Variants in FMN2 observed in about 807,000 individuals in gnomAD.
The protein encoded by FMN2 is formin 2, also known as formin-2.
A neutral mutation model predicts 142.3 loss-of-function variants in FMN2; 51 were observed. The ratio of observed to expected loss-of-function variants is 0.36; its 90% CI spans 0.29 to 0.45. FMN2 has a LOEUF of 0.45. FMN2 is among the 20% of genes least tolerant of loss of function. The pLI is 1.00. For missense variants in FMN2, 1,936 were observed against 2,122.8 expected (o/e 0.91, Z 1.73); for synonymous variants, 882 against 869.8 (o/e 1.01, Z -0.25).
At chr1:240,381,010 AT>A (rs955901680) in intron 14 of FMN2, among the ~76,000 whole-genome samples, 1 of 152,138 alleles carries the variant, frequency 6.6e-6, no homozygotes, top group Non-Finnish European at 1.5e-5. Context: ...TGAGTCAGTA[AT>A]TTTTTTAAAA....
intron 7 of FMN2, among the ~76,000 whole-genome samples, chr1:240,292,776 A>G (rs1166510905): frequency 1.3e-5 from 2 of 152,206 alleles, no homozygotes; most frequent in East Asian, 3.9e-4. Context: ...ATCTTTCCCA[A>G]ATTGCTTCTT....
rs1306140412 is a variant in FMN2 at position 240,123,228 on chromosome 1, A to G, written c.1665A>G (p.Pro555=). Residue 555 remains proline, a synonymous_variant, in exon 2 of 18, where the codon CCA becomes CCG. Coordinates refer to ENST00000319653, the MANE Select transcript of FMN2 (RefSeq NM_020066.5). ...KLFSQQENGP[P]EEAEKFCSRI... is the part of the protein sequence containing the mutation. ...TCAGCCAGCAGGAGAACGGGCCTCC[A>G]GAAGAAGCAGAGAAGTTTTGCTCCC... 3 of 1,614,202 alleles carry G rather than the reference A, an allele frequency of 1.9e-6. No individual in the cohort carries two copies. Among genetic ancestry groups the G allele is most frequent in the South Asian group, 1.1e-5 (1 of 91,080 alleles).
intron 1 of FMN2, among the ~76,000 whole-genome samples, chr1:240,094,870 T>A (rs1361925973): frequency 6.6e-6 from 1 of 152,240 alleles, no homozygotes; most frequent in African/African-American, 2.4e-5. Flanking sequence ...GTTGACTAAA[T>A]GCTGGTAATA....
intron 8 of FMN2, among the ~76,000 whole-genome samples, chr1:240,311,796 G>A (rs1425708265): frequency 3.3e-5 from 5 of 152,060 alleles, no homozygotes; most frequent in African/African-American, 7.2e-5. Context: ...TAAATGATCC[G>A]GGATTGTTCT....
chr1:240,362,357 C>A (rs1320683005), intron 14 of FMN2, among the ~76,000 whole-genome samples: 2 of 152,166 alleles, frequency 1.3e-5, no homozygotes, highest in African/African-American at 4.8e-5. Context: ...AATTCTTAAT[C>A]TCCAGATGGT....
At chr1:240,129,046 G>T (rs1415883533) in intron 2 of FMN2, among the ~76,000 whole-genome samples, 1 of 151,912 alleles carries the variant, frequency 6.6e-6, no homozygotes, top group African/African-American at 2.4e-5. Flanking sequence ...GCTAATTTTT[G>T]TATTTTTAGT....
chr1:240,136,692 T>C (rs2103244090), intron 2 of FMN2, among the ~76,000 whole-genome samples: 1 of 152,332 alleles, frequency 6.6e-6, no homozygotes, highest in Non-Finnish European at 1.5e-5. Flanking sequence ...CTCCTGTAGA[T>C]GCACTGAATA....
intron 15 of FMN2, among the ~76,000 whole-genome samples, chr1:240,397,265 T>A (rs1673812580): frequency 6.6e-6 from 1 of 152,196 alleles, no homozygotes; most frequent in Non-Finnish European, 1.5e-5. Flanking sequence ...TTGAGAAGTG[T>A]CTATTTATGT....
intron 14 of FMN2, among the ~76,000 whole-genome samples, chr1:240,371,008 A>C (rs1482706511): frequency 1.3e-5 from 2 of 152,120 alleles, no homozygotes; most frequent in East Asian, 3.9e-4. Context: ...GCGGGATCTC[A>C]ACTCACTGCA....
intron 6 of FMN2, among the ~76,000 whole-genome samples, chr1:240,246,748 CT>C (rs1449332003): frequency 6.6e-6 from 1 of 152,170 alleles, no homozygotes; most frequent in African/African-American, 2.4e-5. Context: ...CTACACAGTC[CT>C]GCCTTCTAGG....
chr1:240,382,742 C>A (rs2103083888), intron 14 of FMN2, among the ~76,000 whole-genome samples: 1 of 152,170 alleles, frequency 6.6e-6, no homozygotes, highest in East Asian at 1.9e-4. Flanking sequence ...TTACCGACAT[C>A]ATTTTTCACA....
chr1:240,161,390 A>G (rs542309696), intron 2 of FMN2, among the ~76,000 whole-genome samples: 1 of 152,196 alleles, frequency 6.6e-6, no homozygotes, highest in East Asian at 1.9e-4. Flanking sequence ...ACAATTAGCC[A>G]GGCGTGGTGG....
chr1:240,310,556 A>G (rs1376526778), intron 8 of FMN2, among the ~76,000 whole-genome samples: 1 of 152,208 alleles, frequency 6.6e-6, no homozygotes, highest in Non-Finnish European at 1.5e-5. Flanking sequence ...TACTAAATGC[A>G]GTACAACCTA....
At chr1:240,334,016 T>C in intron 12 of FMN2, 70 bp downstream of exon 12, 1 of 1,574,868 alleles carries the variant, frequency 6.3e-7, no homozygotes, top group Non-Finnish European at 8.6e-7. Context: ...CAGTACTTTT[T>C]GTTGTTGTTT....
At chr1:240,159,005 A>G (rs988426133) in intron 2 of FMN2, among the ~76,000 whole-genome samples, 1 of 152,214 alleles carries the variant, frequency 6.6e-6, no homozygotes, top group South Asian at 2.1e-4. Context: ...GCTATAAAAC[A>G]TTATAAAAAC....
intron 6 of FMN2, among the ~76,000 whole-genome samples, chr1:240,227,319 C>T (rs1667345164): frequency 6.6e-6 from 1 of 152,170 alleles, no homozygotes. Flanking sequence ...GGGAACATGC[C>T]ATGGTTATGG....
intron 2 of FMN2, chr1:240,143,225 A>G: frequency 6.3e-7 from 1 of 1,589,338 alleles, no homozygotes; most frequent in Non-Finnish European, 8.6e-7. Flanking sequence ...AAATGGAGTT[A>G]TAGGAAACTT....
At chr1:240,155,210 A>T (rs1480237942) in intron 2 of FMN2, among the ~76,000 whole-genome samples, 1 of 152,100 alleles carries the variant, frequency 6.6e-6, no homozygotes, top group African/African-American at 2.4e-5. Flanking sequence ...GCTTTCGATG[A>T]AGATGATTTT....
At chr1:240,310,679 C>T (rs72766257) in intron 8 of FMN2, among the ~76,000 whole-genome samples, 21,213 of 152,090 alleles carry the variant, frequency 0.14, 1,882 homozygotes, top group African/African-American at 0.25. Flanking sequence ...AGTTGGTTAA[C>T]TATATCTATT....
Sources: allele counts gnomAD v4.1 joint callset (sites outside exome capture counted in the v4.1 genomes callset), GRCh38; gene constraint gnomAD v4.1.1; transcripts MANE v1.5; gene names NCBI Gene and HGNC (gene_info 2026-07-23, HGNC 2026-07-21).